Variants in CARMIL3 observed in about 807,000 individuals in gnomAD.
The protein encoded by CARMIL3 is capping protein, Arp2/3 and myosin-I linker protein 3.
Under a neutral mutation model 180.8 loss-of-function variants are expected in CARMIL3, and 88 were observed. The ratio of observed to expected loss-of-function variants is 0.49; its 90% confidence interval spans 0.41 to 0.58. The LOEUF (loss-of-function observed/expected upper bound fraction) is 0.58, where lower values mean the gene tolerates loss of function less well. Ranked by LOEUF, CARMIL3 falls within the 20% of genes least tolerant of loss-of-function variation. The pLI is 0.00. For synonymous variants in CARMIL3, 696 were observed against 714.5 expected (o/e 0.97, Z 0.41); for missense variants, 1,548 against 1,787.0 (o/e 0.87, Z 2.41).
rs765517737 is a variant in CARMIL3, at chr14:24,053,740, C to T, written c.72C>T (p.Ala24=). ...TCCGGAGGTGCCTGAGCCAAGGGGC[C>T]GTGCTCCAACAACATCATGTGAAGT... ...DSIRRCLSQG[A]VLQQHHVKLE... is the part of the protein sequence containing the mutation. The change falls in exon 2 of 40, where the codon GCC becomes GCT. Residue 24 remains alanine (A), a synonymous_variant. Transcript: ENST00000342740. 21 of 1,613,350 alleles carry T rather than the reference C, an allele frequency of 1.3e-5. No homozygotes were observed. The highest frequency in any genetic ancestry group is 5.0e-5 in the Admixed American group (3 of 59,926).
At position 24,065,008 on chromosome 14, in the gene CARMIL3, T is replaced by G. The variant is rs1290329978; in HGVS notation, c.3131T>G (p.Leu1044Arg). 1 of 1,612,170 alleles carries G rather than the reference T, an allele frequency of 6.2e-7. No individual in the cohort carries two copies. ...CGGCCAGGACTCTCGGAGGCACCGCTGCCTCCACTCCAGAAGAAGAGGCGC... is the reference window on the plus strand; with the variant it reads ...CGGCCAGGACTCTCGGAGGCACCGCGGCCTCCACTCCAGAAGAAGAGGCGC... ...TVRPGLSEAP[L>R]PPLQKKRRRG... Residue 1044 changes from leucine (L) to arginine (R), a missense_variant, in exon 33 of 40, where the codon CTG becomes CGG. Physicochemically the swap from Leu to Arg is moderately radical, Grantham distance 102. This residue lies in a region of CARMIL3 where 668 missense variants were observed against 687.8 expected (regional missense o/e 0.97). Coordinates refer to ENST00000342740, the MANE Select transcript of CARMIL3 (RefSeq NM_138360.4).
At position 24,066,644 on chromosome 14, in the gene CARMIL3, ACATGGCACATAGGTATG is replaced by A; in HGVS notation, c.3671_3682+5del. On this transcript the variant is annotated splice_donor_variant and splice_donor_5th_base_variant and coding_sequence_variant and intron_variant, in exon 36 of 40. Transcript: ENST00000342740. LOFTEE classifies it high-confidence loss of function. ...CAGCGCCATGCGCAGAGCAGAGGCC[ACATGGCACATAGGTATG>A]GAAAGCCTCTTTTCAGGCAGCAGTA... 6.2e-7 allele frequency: 1 copy of A among 1,614,210 alleles called. No individual in the cohort carries two copies. Among genetic ancestry groups the A allele is most frequent in the Non-Finnish European group, 8.5e-7 (1 of 1,180,016 alleles).
In CARMIL3 at chr14:24,055,623, G is replaced by C. The variant is rs375569071; in HGVS notation, c.681+5G>C. On this transcript the variant is annotated splice_donor_5th_base_variant and intron_variant, in intron 9 of 39. Transcript: ENST00000342740. Reference sequence around the variant, plus strand: ...TACTGCAAGGACTTGCGGCTGGTAGGAACTGGGAGGGGCTGGTGAGGTGGG... The same window carrying C: ...TACTGCAAGGACTTGCGGCTGGTAGCAACTGGGAGGGGCTGGTGAGGTGGG... The C allele has an allele frequency of 1.2e-6, 2 of 1,614,040 alleles. No individual in the cohort carries two copies. Among genetic ancestry groups the C allele is most frequent in the Non-Finnish European group, 1.7e-6 (2 of 1,180,012 alleles).
rs1018322171 is a variant in CARMIL3, at chr14:24,058,625, G to A, written c.1393-55G>A. On this transcript the variant is annotated intron_variant, in intron 17 of 39. Coordinates refer to ENST00000342740, the MANE Select transcript of CARMIL3 (RefSeq NM_138360.4). This position sits in a 1 kb window ranked among gnomAD's most constrained non-coding sequence, Gnocchi z 6.4. ...TGACTACTATATCCTAAGCATTAAA[G>A]GTGCCCTACCCCCACCCCAACCCCT... is the stretch of plus-strand genomic sequence containing the variant. 7 of 1,470,092 alleles carry A rather than the reference G, an allele frequency of 4.8e-6. No homozygotes were observed. The highest frequency in any genetic ancestry group is 4.2e-5 in the African/African-American group (3 of 71,808). The allele number at this position is 1,470,092 out of a possible 1,614,324, so 91.1% of individuals were successfully genotyped here.
rs202226438 is a variant in CARMIL3, at chr14:24,060,040, C to T, written c.1939C>T (p.Arg647Cys). ...ISQAYRSAPERTEDVWQKIQW... is the reference protein window; with the variant it reads ...ISQAYRSAPECTEDVWQKIQW... ...CCAAGCCTATCGCAGCGCGCCTGAG[C>T]GCACCGAGGACGTCTGGCAGAAGGT... is the stretch of plus-strand genomic sequence containing the variant. The change falls in exon 23 of 40, where the codon CGC becomes TGC. Residue 647 changes from arginine (R) to cysteine (C), a missense_variant. Arg to Cys is a radical substitution (Grantham distance 180). Transcript: ENST00000342740. The T allele has an allele frequency of 1.5e-5, 25 of 1,613,800 alleles. No individual in the cohort carries two copies. The highest frequency in any genetic ancestry group is 4.5e-5 in the East Asian group (2 of 44,890).
Position 24,059,748 on chromosome 14 carries a change from T to G in CARMIL3, c.1868+16T>G. ...CCCTGGAGAGGTGAGTAGACCATGG[T>G]CCTGCCCTGATCCAAGTCCCCAGCC... is the stretch of plus-strand genomic sequence containing the variant. On this transcript the variant is annotated intron_variant, in intron 22 of 39. Coordinates refer to ENST00000342740, the MANE Select transcript of CARMIL3 (RefSeq NM_138360.4). This position sits in a 1 kb window ranked among gnomAD's most constrained non-coding sequence, Gnocchi z 6.3. 1 of 1,613,422 alleles carries G rather than the reference T, an allele frequency of 6.2e-7. No individual in the cohort carries two copies. Among genetic ancestry groups the G allele is most frequent in the Non-Finnish European group, 8.5e-7 (1 of 1,179,576 alleles).
Position 24,058,724 on chromosome 14 carries a change from T to C in CARMIL3, c.1437T>C (p.Ala479=), listed in dbSNP as rs1309260769. ...AAGCCTTGCAGGAGCAGCTGGGAGC[T>C]GTCACCTGTGTAGGCAGCCTGGATC... ...GAQALQEQLG[A]VTCVGSLDLS... is the part of the protein sequence containing the mutation. Residue 479 remains alanine, a synonymous_variant, in exon 18 of 40, where the codon GCT becomes GCC. Transcript: ENST00000342740. The surrounding 1 kb of genome is among the most constrained non-coding windows in gnomAD (Gnocchi z 6.4). 16 of 1,614,130 alleles carry C rather than the reference T, an allele frequency of 9.9e-6. No homozygotes were observed. Among genetic ancestry groups the C allele is most frequent in the Non-Finnish European group, 1.3e-5 (15 of 1,180,006 alleles).
chr14:24,060,006 C>T lies in CARMIL3; in HGVS notation c.1905C>T (p.Ser635=), dbSNP rs750459385. The stretch of plus-strand genomic sequence containing the variant: ...TGCGCTTCATGTCCTTCCCCGTGAG[C>T]GACATCTCCCAAGCCTATCGCAGCG... ...HTLRFMSFPV[S]DISQAYRSAP... Residue 635 remains serine (S), a synonymous_variant, in exon 23 of 40, where the codon AGC becomes AGT. Transcript: ENST00000342740. 20 of 1,613,856 alleles carry T rather than the reference C, an allele frequency of 1.2e-5. No individual in the cohort carries two copies. The highest frequency in any genetic ancestry group is 3.3e-5 in the Admixed American group (2 of 60,012).
At chr14:24,060,119 A>G (rs2035717576) in intron 23 of CARMIL3, 38 bp from the exon 24 acceptor site, 14 of 1,613,142 alleles carry the variant, frequency 8.7e-6, no homozygotes, top group African/African-American at 8.0e-5. Flanking sequence ...GGCAGCCCCC[A>G]TCCCCAGGCC....
At position 24,052,025 on chromosome 14, in the gene CARMIL3, C is replaced by A; in HGVS notation, c.-129C>A. ...GGAGCGCTCAAGCAGCCGCCCCTGA[C>A]CGGAGCGGGCTCGGCCGCTGCTGCA... On this transcript the variant is annotated 5_prime_UTR_variant, in exon 1 of 40. Coordinates refer to ENST00000342740, the MANE Select transcript of CARMIL3 (RefSeq NM_138360.4). 2 of 888,970 alleles carry A rather than the reference C, an allele frequency of 2.2e-6. No individual in the cohort carries two copies. The highest frequency in any genetic ancestry group is 1.6e-6 in the Non-Finnish European group (1 of 644,776). 55.1% of individuals were successfully genotyped at this position (888,970 alleles called of 1,614,324 possible). A position where few individuals can be genotyped will look rare whatever the true frequency, so the allele number is the denominator to read the frequency against.
intron 38 of CARMIL3, 71 bp from the exon 39 acceptor site, chr14:24,069,066 G>A (rs2035827174): frequency 4.4e-6 from 7 of 1,599,166 alleles, no homozygotes; most frequent in Non-Finnish European, 5.1e-6. Flanking sequence ...ACAACCAGGA[G>A]TCACAGCCTG....
chr14:24,053,448 C>T (rs559750248), intron 1 of CARMIL3, among the ~76,000 whole-genome samples: 84 of 152,322 alleles, frequency 5.5e-4, no homozygotes, highest in South Asian at 2.5e-3. Flanking sequence ...AGTCAGCAAC[C>T]GTCCCCTGAC....
intron 1 of CARMIL3, 68 bp downstream of exon 1, chr14:24,052,261 C>G (rs978271258): frequency 1.5e-5 from 22 of 1,479,190 alleles, no homozygotes; most frequent in Non-Finnish European, 1.8e-6. Context: ...CGTTCCTCCC[C>G]GTGGTGCATC....
chr14:24,068,942 G>C lies in CARMIL3; in HGVS notation c.3958G>C (p.Asp1320His), dbSNP rs1242953287. ...KPRLRLSSQQ[D>H]QEEPEVQGPP... ...CCGGCTGAGGCTGAGCTCACAGCAA[G>C]ACCAAGAGGAGCCCGAAGTCCAAGG... Residue 1320 changes from aspartate to histidine, a missense_variant, in exon 38 of 40, where the codon GAC becomes CAC. Asp to His is a moderately conservative substitution (Grantham distance 81). This residue lies in a region of CARMIL3 where 668 missense variants were observed against 687.8 expected (regional missense o/e 0.97). Transcript: ENST00000342740. The C allele has an allele frequency of 1.3e-6, 2 of 1,571,910 alleles. No individual in the cohort carries two copies. Among genetic ancestry groups the C allele is most frequent in the Non-Finnish European group, 1.7e-6 (2 of 1,157,842 alleles).
At chr14:24,063,011 C>A in intron 29 of CARMIL3, 109 bp from the exon 30 acceptor site, 1 of 1,545,594 alleles carries the variant, frequency 6.5e-7, no homozygotes, top group Non-Finnish European at 8.8e-7. Flanking sequence ...ATCCCAGTGC[C>A]TCAGCCCCCT....
chr14:24,067,961 ACCCAGCAGGCCCTGGGCCCTGC>A (rs2035805085), intron 36 of CARMIL3, among the ~76,000 whole-genome samples: 1 of 152,224 alleles, frequency 6.6e-6, no homozygotes, highest in Admixed American at 6.5e-5. Flanking sequence ...ATGCCTGTGG[ACCCAGCAGGCCCTGGGCCCTGC>A]CCCAGCAGGA....
At chr14:24,052,922 A>G (rs1397228809) in intron 1 of CARMIL3, among the ~76,000 whole-genome samples, 1 of 152,168 alleles carries the variant, frequency 6.6e-6, no homozygotes, top group East Asian at 1.9e-4. Flanking sequence ...AGGCTAGCCC[A>G]CGCAAAGCGC....
chr14:24,058,912 A>T lies in CARMIL3; in HGVS notation c.1497A>T (p.Thr499=). The T allele has an allele frequency of 6.2e-7, 1 of 1,614,196 alleles. No homozygotes were observed. The highest frequency in any genetic ancestry group is 8.5e-7 in the Non-Finnish European group (1 of 1,180,038). The change falls in exon 19 of 40, where the codon ACA becomes ACT. Residue 499 remains threonine, a synonymous_variant. Coordinates refer to ENST00000342740, the MANE Select transcript of CARMIL3 (RefSeq NM_138360.4). The surrounding 1 kb of genome is among the most constrained non-coding windows in gnomAD (Gnocchi z 6.4). The part of the protein sequence containing the change: ...SDNGFDSDLL[T]LVPALGKNKS... The stretch of plus-strand genomic sequence containing the variant: ...CAGGGTTCGACTCGGACCTCCTGAC[A>T]CTGGTGCCTGCACTTGGCAAGAACA...
At chr14:24,060,552 A>G (rs1036607939) in intron 24 of CARMIL3, 76 bp from the exon 25 acceptor site, 1 of 1,565,724 alleles carries the variant, frequency 6.4e-7, no homozygotes, top group South Asian at 1.2e-5. Context: ...CAGCACCAGT[A>G]GCACTGTCTA....
Sources: allele counts gnomAD v4.1 joint callset (sites outside exome capture counted in the v4.1 genomes callset), GRCh38; gene constraint gnomAD v4.1.1; regional missense constraint gnomAD v4.1.1; non-coding constraint Gnocchi (gnomAD v3.1); transcripts MANE v1.5; gene names NCBI Gene and HGNC (gene_info 2026-07-23, HGNC 2026-07-21).